LRIG2: variants seen among roughly 807,000 people sequenced by gnomAD.
LRIG2 encodes the protein leucine-rich repeats and immunoglobulin-like domains protein 2.
LRIG2 carries 93 observed loss-of-function variants against 107.8 expected under a neutral mutation model. The observed-to-expected ratio is 0.86, with a 90% CI of 0.73 to 1.03. LRIG2 has a LOEUF of 1.03. Ranked by LOEUF, LRIG2 falls within the 50% of genes least tolerant of loss-of-function variation. The pLI is 0.00. For synonymous variants in LRIG2, 471 were observed against 470.6 expected (o/e 1.00, Z -0.01); for missense variants, 1,226 against 1,296.0 (o/e 0.95, Z 0.83).
chr1:113,091,318 G>A lies in LRIG2; in HGVS notation c.240G>A (p.Leu80=), dbSNP rs1653813863. ...AGAATGATATTTTGTCCTCTTTCAG[G>A]GATTTCAGTCATAATCGGTTGTCTA... is the stretch of plus-strand genomic sequence containing the variant. ...SGLLPPDTAI[L]DFSHNRLSNW... The change falls in exon 2 of 18, where the codon CTG becomes CTA. Residue 80 remains leucine, a splice_region_variant and synonymous_variant. Transcript: ENST00000361127. 6.3e-7 allele frequency: 1 copy of A among 1,594,776 alleles called. No individual in the cohort carries two copies.
rs532819575 is a variant in LRIG2 at position 113,074,346 on chromosome 1, T to C, written c.239+701T>C. On this transcript the variant is annotated intron_variant, in intron 1 of 17. Transcript: ENST00000361127. ...TTGTGGCAAAGAACCCAAAAATCAG[T>C]TCTGCTTATTTATGTAGGTAAAGCA... Among the ~76,000 whole-genome samples the C allele has an allele frequency of 2.6e-5, 4 of 152,314 alleles. No homozygotes were observed. In the South Asian group the frequency reaches 8.3e-4, roughly 32 times the overall value.
chr1:113,096,145 A>G, intron 7 of LRIG2, 77 bp from the exon 8 acceptor site: 1 of 1,580,878 alleles, frequency 6.3e-7, no homozygotes. Context: ...CTCTAAATTT[A>G]CCATGTAGAT....
intron 12 of LRIG2, among the ~76,000 whole-genome samples, chr1:113,108,226 T>A (rs1300678240): frequency 7.8e-6 from 1 of 128,496 alleles, no homozygotes; most frequent in Non-Finnish European, 1.6e-5. Context: ...TCAAATATAC[T>A]TTTTTTTTTT....
In LRIG2 at chr1:113,129,569, C is replaced by T. The variant is rs191297203; in HGVS notation, c.*5468C>T. 1.3e-5 allele frequency: 2 copies of T among 152,168 alleles called. No homozygotes were observed. The highest frequency in any genetic ancestry group is 4.8e-5 in the African/African-American group (2 of 41,516). 9.4% of individuals were successfully genotyped at this position (152,168 alleles called of 1,614,324 possible). On this transcript the variant is annotated 3_prime_UTR_variant, in exon 18 of 18. Transcript: ENST00000361127. ...ACACACACCCCTAGGAAAAGGAATT[C>T]CTGAAACTTTTCATTATTGCATATG... is the stretch of plus-strand genomic sequence containing the variant.
At chr1:113,106,753 C>T (rs905947437) in intron 11 of LRIG2, among the ~76,000 whole-genome samples, 2 of 152,164 alleles carry the variant, frequency 1.3e-5, no homozygotes, top group Non-Finnish European at 2.9e-5. Context: ...GATCCGCCCG[C>T]CTCTGCCTCC....
intron 1 of LRIG2, among the ~76,000 whole-genome samples, chr1:113,081,872 C>T (rs1012017106): frequency 6.6e-6 from 1 of 152,214 alleles, no homozygotes. Flanking sequence ...ATGGATGTCT[C>T]TCACATAATC....
chr1:113,095,740 A>C lies in LRIG2; in HGVS notation c.804-134A>C, dbSNP rs1053598211. On this transcript the variant is annotated intron_variant, in intron 6 of 17. Coordinates refer to ENST00000361127, the MANE Select transcript of LRIG2 (RefSeq NM_014813.3). ...AATCTTAAATAAGATATTCATTTTT[A>C]TTGAATAGAATTGGTCAGCTCAGTT... 2 of 757,314 alleles carry C rather than the reference A, an allele frequency of 2.6e-6. 1 individual carries two copies. Among genetic ancestry groups the C allele is most frequent in the South Asian group, 3.6e-5 (2 of 55,574 alleles). 46.9% of individuals were successfully genotyped at this position (757,314 alleles called of 1,614,324 possible). A position where few individuals can be genotyped will look rare whatever the true frequency, so the allele number is the denominator to read the frequency against.
intron 4 of LRIG2, 150 bp downstream of exon 4, chr1:113,093,714 G>A (rs1435200519): frequency 2.0e-5 from 7 of 356,156 alleles, no homozygotes; most frequent in South Asian, 1.2e-4. Context: ...CATGGCACAT[G>A]TATACATATG....
intron 1 of LRIG2, among the ~76,000 whole-genome samples, chr1:113,075,692 C>CTTTTTTT (rs34293194): frequency 1.7e-5 from 2 of 117,726 alleles, no homozygotes; most frequent in Non-Finnish European, 3.3e-5. Flanking sequence ...GTGGCCTATA[C>CTTTTTTT]TTTTTTTTTT....
Position 113,094,477 on chromosome 1 carries a change from A to T in LRIG2, c.654A>T (p.Gln218His), listed in dbSNP as rs147709008. Residue 218 changes from glutamine to histidine, a missense_variant, in exon 5 of 18, where the codon CAA becomes CAT. By Grantham distance (24) the Gln-to-His change is conservative. Coordinates refer to ENST00000361127, the MANE Select transcript of LRIG2 (RefSeq NM_014813.3). The stretch of plus-strand genomic sequence containing the variant: ...AGATCTTCAAGCTGCCTCACCTCCA[A>T]TTCTTGTGAGTAACGAAATAGACGG... The part of the protein sequence containing the change: ...PPKIFKLPHL[Q>H]FLELKRNRIK... The T allele has an allele frequency of 6.2e-7, 1 of 1,607,156 alleles. No individual in the cohort carries two copies. The highest frequency in any genetic ancestry group is 1.7e-5 in the Admixed American group (1 of 58,380).
chr1:113,086,888 TAAAG>T (rs1321543267), intron 1 of LRIG2, among the ~76,000 whole-genome samples: 1 of 152,126 alleles, frequency 6.6e-6, no homozygotes, highest in African/African-American at 2.4e-5. Flanking sequence ...TGTTAGAAAA[TAAAG>T]GAAGGACTGT....
At position 113,073,631 on chromosome 1, in the gene LRIG2, C is replaced by G. The variant is rs767157307; in HGVS notation, c.225C>G (p.Pro75=). The change falls in exon 1 of 18, where the codon CCC becomes CCG. Residue 75 remains proline, a synonymous_variant. Transcript: ENST00000361127. ...GGGCGCTGTCGGGCTTGCTGCCCCCCGACACCGCTATCCTGTGAGTAGAGC... is the reference window on the plus strand; with the variant it reads ...GGGCGCTGTCGGGCTTGCTGCCCCCGGACACCGCTATCCTGTGAGTAGAGC... ...SWRALSGLLP[P]DTAILDFSHN... 14 of 1,612,686 alleles carry G rather than the reference C, an allele frequency of 8.7e-6. No homozygotes were observed. In the East Asian group the frequency reaches 1.3e-4, roughly 15 times the overall value.
In LRIG2 at chr1:113,097,090, T is replaced by TA. The variant is rs1384490833; in HGVS notation, c.1091+728dup. Among the ~76,000 whole-genome samples the TA allele has an allele frequency of 3.3e-5, 5 of 152,202 alleles. No individual in the cohort carries two copies. In the East Asian group the frequency reaches 9.6e-4, roughly 29 times the overall value. On this transcript the variant is annotated intron_variant, in intron 8 of 17. Transcript: ENST00000361127. ...GAAGGATATAGGATTAGATGGTTGC[T>TA]AAAGGCAGTTTCCACGCTAAAATTC...
chr1:113,112,912 T>A, intron 14 of LRIG2, 152 bp downstream of exon 14: 1 of 783,680 alleles, frequency 1.3e-6, no homozygotes, highest in Non-Finnish European at 1.9e-6. Context: ...TATGTCAGTC[T>A]AGGAATTAGT....
chr1:113,094,491 C>T lies in LRIG2; in HGVS notation c.659+9C>T, dbSNP rs749470783. The T allele has an allele frequency of 4.4e-6, 7 of 1,599,272 alleles. No individual in the cohort carries two copies. The highest frequency in any genetic ancestry group is 4.1e-5 in the African/African-American group (3 of 73,948). ...CCTCACCTCCAATTCTTGTGAGTAA[C>T]GAAATAGACGGATTATAAGAAGATA... On this transcript the variant is annotated intron_variant, in intron 5 of 17. Coordinates refer to ENST00000361127, the MANE Select transcript of LRIG2 (RefSeq NM_014813.3).
intron 15 of LRIG2, among the ~76,000 whole-genome samples, chr1:113,115,174 A>C (rs1178370383): frequency 6.6e-6 from 1 of 152,168 alleles, no homozygotes; most frequent in Non-Finnish European, 1.5e-5. Flanking sequence ...ATATAACAGA[A>C]CCTCTTTGAG....
At chr1:113,097,056 A>G (rs1435780055) in intron 8 of LRIG2, among the ~76,000 whole-genome samples, 2 of 152,020 alleles carry the variant, frequency 1.3e-5, no homozygotes, top group Non-Finnish European at 2.9e-5. Context: ...TCTCCTTTAT[A>G]CGGTGAAGGA....
rs768677647 is a variant in LRIG2, at chr1:113,114,834, C to T, written c.2488C>T (p.His830Tyr). 4.3e-5 allele frequency: 69 copies of T among 1,613,180 alleles called. No individual in the cohort carries two copies. The highest frequency in any genetic ancestry group is 5.5e-5 in the Non-Finnish European group (65 of 1,179,902). The change falls in exon 15 of 18, where the codon CAC (histidine) becomes TAC (tyrosine). Residue 830 changes from histidine to tyrosine, a missense_variant. His to Tyr is a moderately conservative substitution (Grantham distance 83, BLOSUM62 2). This residue lies in a region of LRIG2 where 642 missense variants were observed against 712.2 expected (regional missense o/e 0.90). Coordinates refer to ENST00000361127, the MANE Select transcript of LRIG2 (RefSeq NM_014813.3). ...TTTGATCTGGGTCATTGTTATTTAC[C>T]ACATGAGAAGGAAAAATGAAGACTA... ...TSLIWVIVIYHMRRKNEDYSI... is the reference protein window; with the variant it reads ...TSLIWVIVIYYMRRKNEDYSI...
intron 12 of LRIG2, among the ~76,000 whole-genome samples, chr1:113,109,783 T>C (rs1273557951): frequency 6.6e-6 from 1 of 152,172 alleles, no homozygotes; most frequent in African/African-American, 2.4e-5. Flanking sequence ...CCTCTGAAAG[T>C]GCTAGGATTA....
Sources: gnomAD v4.1 joint callset for allele counts (sites outside exome capture counted in the v4.1 genomes callset) on GRCh38, gnomAD v4.1.1 for gene constraint, gnomAD v4.1.1 regional missense constraint, MANE v1.5 for transcripts, NCBI Gene and HGNC (gene_info 2026-07-23, HGNC 2026-07-21) for gene names.